Variants in CSMD3 observed in about 807,000 individuals in gnomAD.
The protein encoded by CSMD3 is CUB and sushi domain-containing protein 3.
Under a neutral mutation model 435.2 loss-of-function variants are expected in CSMD3, and 177 were observed. The ratio of observed to expected loss-of-function variants is 0.41; its 90% CI spans 0.36 to 0.46. The LOEUF (loss-of-function observed/expected upper bound fraction) is 0.46, where lower values mean the gene tolerates loss of function less well. Ranked by LOEUF, CSMD3 falls within the 20% of genes least tolerant of loss-of-function variation. CSMD3 has a pLI of 0.34. For missense variants in CSMD3, 4,265 were observed against 4,504.6 expected (o/e 0.95, Z 1.52); for synonymous variants, 1,656 against 1,520.5 (o/e 1.09, Z -2.07).
chr8:112,255,384 T>C lies in CSMD3; in HGVS notation c.9906A>G (p.Arg3302=). 6.2e-7 allele frequency: 1 copy of C among 1,613,770 alleles called. No individual in the cohort carries two copies. The highest frequency in any genetic ancestry group is 8.5e-7 in the Non-Finnish European group (1 of 1,179,784). ...GDPGIPAQGK[R]EGKSFIYQSE... is the part of the protein sequence containing the mutation. ...ACTGGTATATAAAGCTTTTGCCTTC[T>C]CTTTTTCCTTGGGCAGGTATACCAG... The change falls in exon 62 of 71, where the codon AGA becomes AGG. Residue 3302 remains arginine, a synonymous_variant. Coordinates refer to ENST00000297405, the MANE Select transcript of CSMD3 (RefSeq NM_198123.2).
chr8:113,336,001 T>A (rs957732678), intron 1 of CSMD3, among the ~76,000 whole-genome samples: 1 of 152,128 alleles, frequency 6.6e-6, no homozygotes, highest in African/African-American at 2.4e-5. Context: ...TTTTTAAGTA[T>A]GTCTTTAGTC....
chr8:112,602,570 A>G (rs1005251241), intron 22 of CSMD3, among the ~76,000 whole-genome samples: 3 of 147,710 alleles, frequency 2.0e-5, no homozygotes, highest in African/African-American at 7.5e-5. Context: ...CTGTCTCAAA[A>G]AAAAAAAAAA....
At chr8:113,208,811 G>A (rs1218848691) in intron 3 of CSMD3, among the ~76,000 whole-genome samples, 3 of 151,948 alleles carry the variant, frequency 2.0e-5, no homozygotes, top group Non-Finnish European at 4.4e-5. Flanking sequence ...AAGGGTACAT[G>A]TAGTGAATAT....
chr8:112,804,241 G>C (rs1259312078), intron 12 of CSMD3, among the ~76,000 whole-genome samples: 2 of 152,014 alleles, frequency 1.3e-5, no homozygotes, highest in Admixed American at 6.6e-5. Context: ...TTAGAGGAAG[G>C]GTATTAGGAT....
chr8:112,796,029 ATGTG>A (rs1246610926), intron 13 of CSMD3, among the ~76,000 whole-genome samples: 11 of 152,232 alleles, frequency 7.2e-5, no homozygotes, highest in Non-Finnish European at 1.5e-4. Flanking sequence ...GTGGTTGTGC[ATGTG>A]CACGTGCATG....
chr8:112,504,547 G>T (rs1485563267), intron 29 of CSMD3, among the ~76,000 whole-genome samples: 3 of 151,982 alleles, frequency 2.0e-5, no homozygotes, highest in Admixed American at 2.0e-4. Flanking sequence ...TTTGCACATT[G>T]TATTAGGCAT....
At chr8:113,330,608 T>A (rs192187066) in intron 1 of CSMD3, among the ~76,000 whole-genome samples, 1 of 152,040 alleles carries the variant, frequency 6.6e-6, no homozygotes, top group Non-Finnish European at 1.5e-5. Flanking sequence ...GCAAAATATA[T>A]AATATGGAAG....
At chr8:113,436,631 A>G (rs1242185822) in intron 1 of CSMD3, 46 bp downstream of exon 1, 1 of 1,567,522 alleles carries the variant, frequency 6.4e-7, no homozygotes, top group Non-Finnish European at 8.8e-7. Context: ...TCTACAAGTC[A>G]GCCCACCTCC....
chr8:112,505,202 TG>T (rs1212716386), intron 29 of CSMD3, among the ~76,000 whole-genome samples: 2 of 152,104 alleles, frequency 1.3e-5, no homozygotes, highest in Non-Finnish European at 2.9e-5. Context: ...GTGAGAAAAT[TG>T]GGAGACCATC....
Position 112,289,456 on chromosome 8 carries a change from A to G in CSMD3, c.9057T>C (p.Tyr3019=), listed in dbSNP as rs1819543844. The change falls in exon 57 of 71, where the codon TAT becomes TAC. Residue 3019 remains tyrosine (Y), a synonymous_variant. Transcript: ENST00000297405. The stretch of plus-strand genomic sequence containing the variant: ...AAAGGGAACGCTTTCCTGTGCAGGA[A>G]TAGTGAACAGTAGACCCAAAAGTAT... ...EKYTFGSTVH[Y]SCTGKRSLLG... The G allele has an allele frequency of 1.9e-6, 3 of 1,613,402 alleles. No individual in the cohort carries two copies. The highest frequency in any genetic ancestry group is 2.2e-5 in the South Asian group (2 of 91,074).
chr8:112,969,363 A>G (rs2084554326), intron 7 of CSMD3, among the ~76,000 whole-genome samples: 1 of 152,050 alleles, frequency 6.6e-6, no homozygotes, highest in Non-Finnish European at 1.5e-5. Flanking sequence ...AAACCTAAGA[A>G]TAATAAATAA....
intron 32 of CSMD3, among the ~76,000 whole-genome samples, chr8:112,466,531 T>C (rs180974215): frequency 6.6e-5 from 10 of 152,320 alleles, no homozygotes; most frequent in African/African-American, 2.2e-4. Context: ...AATTCATTAA[T>C]ACATATCCAA....
intron 3 of CSMD3, among the ~76,000 whole-genome samples, chr8:113,270,673 T>C (rs1227783574): frequency 1.3e-5 from 2 of 152,068 alleles, no homozygotes; most frequent in Admixed American, 6.5e-5. Flanking sequence ...ATGTCCTTTG[T>C]AGGGACATGG....
At chr8:112,983,004 C>T (rs1384556353) in intron 6 of CSMD3, among the ~76,000 whole-genome samples, 1 of 151,884 alleles carries the variant, frequency 6.6e-6, no homozygotes, top group Admixed American at 6.6e-5. Context: ...ACAGAAATTA[C>T]TTATTCATTT....
intron 13 of CSMD3, among the ~76,000 whole-genome samples, chr8:112,724,853 G>A (rs556346339): frequency 2.6e-5 from 4 of 152,076 alleles, no homozygotes; most frequent in South Asian, 2.1e-4. Context: ...TGAAACCCTC[G>A]AATAAAAGTA....
rs146116708 is a variant in CSMD3, at chr8:112,665,696, C to T, written c.2816+581G>A. Among the ~76,000 whole-genome samples the T allele has an allele frequency of 3.0e-3, 462 of 152,076 alleles. 4 individuals are homozygous for T. Among genetic ancestry groups the T allele is most frequent in the African/African-American group, 0.011 (450 of 41,510 alleles). Reference sequence around the variant, plus strand: ...TGATTTGTAAGTTGTGATTCAATAACGTAAGAGAAGTTTCATTCTTTTAAG... The same window carrying T: ...TGATTTGTAAGTTGTGATTCAATAATGTAAGAGAAGTTTCATTCTTTTAAG... On this transcript the variant is annotated intron_variant, in intron 17 of 70. Transcript: ENST00000297405.
intron 3 of CSMD3, among the ~76,000 whole-genome samples, chr8:113,183,322 A>G (rs1195837632): frequency 3.3e-5 from 5 of 152,036 alleles, no homozygotes; most frequent in Admixed American, 1.3e-4. Flanking sequence ...GATGACTCAT[A>G]TAATTTATTT....
chr8:112,665,166 C>T lies in CSMD3; in HGVS notation c.2816+1111G>A, dbSNP rs576536914. Among the ~76,000 whole-genome samples the T allele has an allele frequency of 2.6e-5, 4 of 152,048 alleles. No homozygotes were observed. The South Asian group carries it at 6.2e-4, about 24-fold the overall frequency. On this transcript the variant is annotated intron_variant, in intron 17 of 70. Coordinates refer to ENST00000297405, the MANE Select transcript of CSMD3 (RefSeq NM_198123.2). The stretch of plus-strand genomic sequence containing the variant: ...AGATCATATCTATATAAGTCAAATG[C>T]GAAGTTGTAACTAATCAAGCTGTTT...
chr8:112,508,793 A>AT (rs145770099), intron 28 of CSMD3, among the ~76,000 whole-genome samples: 5,221 of 150,200 alleles, frequency 0.035, 146 homozygotes, highest in Non-Finnish European at 0.056. Context: ...CTAAATTCTG[A>AT]TTTTTTTTTT....
Sources: gnomAD v4.1 joint callset for allele counts (sites outside exome capture counted in the v4.1 genomes callset) on GRCh38, gnomAD v4.1.1 for gene constraint, MANE v1.5 for transcripts, NCBI Gene and HGNC (gene_info 2026-07-23, HGNC 2026-07-21) for gene names.